CCDC171: variants seen among roughly 807,000 people sequenced by gnomAD.
The protein encoded by CCDC171 is coiled-coil domain-containing protein 171.
In CCDC171, 177 loss-of-function variants were observed where a neutral mutation model predicts 168.2. The ratio of observed to expected loss-of-function variants is 1.05; its 90% CI spans 0.93 to 1.19. CCDC171 has a LOEUF of 1.19. Among genes scored for constraint, CCDC171 ranks in the 50% most tolerant of loss-of-function variants. The pLI, the probability that CCDC171 is intolerant of heterozygous loss-of-function variation, is 0.00. For missense variants in CCDC171, 1,991 were observed against 1,539.0 expected, an observed-to-expected ratio of 1.29 and a Z score of -4.91; for synonymous variants, 687 against 540.8, an observed-to-expected ratio of 1.27 and a Z score of -3.75.
Position 15,996,574 on chromosome 9 carries a change from G to A in CCDC171, n.369-24015G>A, listed in dbSNP as rs139710677. On this transcript the variant is annotated intron_variant and non_coding_transcript_variant, in intron 3 of 9. Transcript: ENST00000486641. ...CACTCAAAATGTTTTGGATTTTGGAGTATTTAAATTTTTGAATTTTGGATT... is the reference window on the plus strand; with the variant it reads ...CACTCAAAATGTTTTGGATTTTGGAATATTTAAATTTTTGAATTTTGGATT... Among the ~76,000 whole-genome samples the A allele has an allele frequency of 1.6e-4, 25 of 151,900 alleles. No homozygotes were observed. In the East Asian group the frequency reaches 3.7e-3, roughly 22 times the overall value.
At chr9:15,562,891 C>T (rs1026067368) in intron 1 of CCDC171, among the ~76,000 whole-genome samples, 1 of 118,588 alleles carries the variant, frequency 8.4e-6, no homozygotes, top group Non-Finnish European at 1.8e-5. Flanking sequence ...GGGACAATAT[C>T]TGAAGAGCTT....
At chr9:16,074,299 A>G in the CCDC171 span, among the ~76,000 whole-genome samples, 1,046 of 152,284 alleles carry the variant, frequency 6.9e-3, 12 homozygotes, top group African/African-American at 0.023. Context: ...CTTGCTGGAT[A>G]TATGTCTTGA....
intron 21 of CCDC171, among the ~76,000 whole-genome samples, chr9:15,794,659 T>C (rs1483483404): frequency 6.6e-6 from 1 of 152,202 alleles, no homozygotes; most frequent in Non-Finnish European, 1.5e-5. Flanking sequence ...TTTTAGATTT[T>C]TAAGGGATTA....
At chr9:16,021,507 A>C (rs1284892327) in intron 4 of CCDC171, among the ~76,000 whole-genome samples, 5 of 152,210 alleles carry the variant, frequency 3.3e-5, no homozygotes, top group Non-Finnish European at 7.3e-5. Context: ...AAGGTAACTA[A>C]AGGCAGGGAT....
At chr9:15,824,390 A>G (rs558214494) in intron 21 of CCDC171, among the ~76,000 whole-genome samples, 1 of 152,064 alleles carries the variant, frequency 6.6e-6, no homozygotes, top group African/African-American at 2.4e-5. Context: ...CACGATGTTT[A>G]TTGTTAGAAA....
At position 15,818,297 on chromosome 9, in the gene CCDC171, T is replaced by C. The variant is rs1226263291; in HGVS notation, c.3268-28405T>C. 1.7e-5 allele frequency among the ~76,000 whole-genome samples: 2 copies of C among 117,458 alleles called. 1 individual carries two copies. Among genetic ancestry groups the C allele is most frequent in the Non-Finnish European group, 3.8e-5 (2 of 52,340 alleles). The allele number at this position is 117,458 out of a possible 152,430, so 77.1% of individuals were successfully genotyped here. A position where few individuals can be genotyped will look rare whatever the true frequency, so the allele number is the denominator to read the frequency against. ...GTAAAAAACAGAGTGCCTCTCCTCCTCCAAAGGAATGCAGCTCCTCACCAG... is the reference window on the plus strand; with the variant it reads ...GTAAAAAACAGAGTGCCTCTCCTCCCCCAAAGGAATGCAGCTCCTCACCAG... On this transcript the variant is annotated intron_variant, in intron 21 of 25. Coordinates refer to ENST00000380701, the MANE Select transcript of CCDC171 (RefSeq NM_173550.4).
chr9:15,580,986 A>G (rs1157921498), intron 4 of CCDC171, among the ~76,000 whole-genome samples: 1 of 152,240 alleles, frequency 6.6e-6, no homozygotes, highest in Non-Finnish European at 1.5e-5. Flanking sequence ...AGAGGAAGTC[A>G]CATTGTCTCT....
chr9:15,877,559 A>G (rs1423901440), intron 24 of CCDC171, among the ~76,000 whole-genome samples: 4 of 152,122 alleles, frequency 2.6e-5, no homozygotes, highest in Non-Finnish European at 4.4e-5. Context: ...GGATGTTCCA[A>G]TGAGGCCATG....
chr9:15,658,693 G>C (rs914719471), intron 8 of CCDC171, among the ~76,000 whole-genome samples: 2 of 152,056 alleles, frequency 1.3e-5, no homozygotes, highest in Admixed American at 1.3e-4. Flanking sequence ...GGTCAGAGTA[G>C]GTCACCATGA....
chr9:15,625,557 CATTT>C (rs1380594733), intron 7 of CCDC171, among the ~76,000 whole-genome samples: 1 of 152,142 alleles, frequency 6.6e-6, no homozygotes, highest in East Asian at 1.9e-4. Context: ...TTCCCAGCAC[CATTT>C]ATTAAAGAGG....
intron 7 of CCDC171, among the ~76,000 whole-genome samples, chr9:15,645,073 T>C (rs908877492): frequency 2.8e-4 from 42 of 152,318 alleles, no homozygotes; most frequent in African/African-American, 1.0e-3. Flanking sequence ...GCAGCAACAT[T>C]GGCTGTTCAG....
chr9:15,664,042 A>G (rs1338754933), intron 8 of CCDC171, among the ~76,000 whole-genome samples: 2 of 152,180 alleles, frequency 1.3e-5, no homozygotes, highest in African/African-American at 4.8e-5. Flanking sequence ...CTGACTTAGA[A>G]TTGGGAGCTA....
chr9:15,823,109 C>G (rs2059861499), intron 21 of CCDC171, among the ~76,000 whole-genome samples: 2 of 152,086 alleles, frequency 1.3e-5, no homozygotes. Context: ...ACTGCATGTT[C>G]TCACTCATAG....
chr9:15,673,537 A>T (rs2049284114), intron 9 of CCDC171, among the ~76,000 whole-genome samples: 2 of 152,176 alleles, frequency 1.3e-5, no homozygotes, highest in African/African-American at 4.8e-5. Context: ...TACCTAGTTC[A>T]TTGAGAGTTT....
At chr9:15,794,629 G>C (rs2058459064) in intron 21 of CCDC171, among the ~76,000 whole-genome samples, 2 of 152,154 alleles carry the variant, frequency 1.3e-5, no homozygotes, top group African/African-American at 4.8e-5. Context: ...TGTTTATACA[G>C]ACTGTGAGCT....
At chr9:15,795,237 T>G (rs1445503347) in intron 21 of CCDC171, among the ~76,000 whole-genome samples, 1 of 152,152 alleles carries the variant, frequency 6.6e-6, no homozygotes, top group African/African-American at 2.4e-5. Flanking sequence ...AAACCCATCC[T>G]TTTATAAGAA....
the CCDC171 span, among the ~76,000 whole-genome samples, chr9:16,092,161 C>G: frequency 3.3e-5 from 5 of 152,246 alleles, no homozygotes; most frequent in African/African-American, 1.2e-4. Flanking sequence ...TGCTTATCAG[C>G]TCTGGGACCA....
chr9:15,840,107 G>A (rs1054063799), intron 21 of CCDC171, among the ~76,000 whole-genome samples: 1 of 151,870 alleles, frequency 6.6e-6, no homozygotes, highest in Admixed American at 6.6e-5. Context: ...ATTAATGTAA[G>A]AGTATTTTAA....
intron 6 of CCDC171, among the ~76,000 whole-genome samples, chr9:15,619,761 G>A (rs1421445131): frequency 6.6e-6 from 1 of 152,194 alleles, no homozygotes; most frequent in Non-Finnish European, 1.5e-5. Context: ...TGTCATCTAG[G>A]TGTTTCAGAG....
Sources: gnomAD v4.1 joint callset for allele counts (sites outside exome capture counted in the v4.1 genomes callset) on GRCh38, gnomAD v4.1.1 for gene constraint, MANE v1.5 for transcripts, NCBI Gene and HGNC (gene_info 2026-07-23, HGNC 2026-07-21) for gene names.